The following SORCS3 variants were observed in gnomAD, a reference collection of about 807,000 sequenced individuals.
The protein encoded by SORCS3 is sortilin related VPS10 domain containing receptor 3, also known as VPS10 domain-containing receptor SorCS3.
A neutral mutation model predicts 146.3 loss-of-function variants in SORCS3; 57 were observed. The observed-to-expected ratio is 0.39, with a 90% CI of 0.31 to 0.49. The LOEUF (loss-of-function observed/expected upper bound fraction) is 0.49. Among genes scored for constraint, SORCS3 ranks in the 20% least tolerant of loss-of-function variants. SORCS3 has a pLI of 0.92. For missense variants in SORCS3, 1,341 were observed against 1,575.5 expected (o/e 0.85, Z 2.52); for synonymous variants, 653 against 618.5 (o/e 1.06, Z -0.83).
intron 2 of SORCS3, among the ~76,000 whole-genome samples, chr10:104,900,224 G>T (rs7091253): frequency 6.6e-6 from 1 of 152,030 alleles, no homozygotes; most frequent in Non-Finnish European, 1.5e-5. Context: ...TGGCTCTGCT[G>T]GTTTCTGTCA....
intron 2 of SORCS3, among the ~76,000 whole-genome samples, chr10:104,876,634 A>C (rs1383195734): frequency 6.6e-6 from 1 of 151,928 alleles, no homozygotes; most frequent in Non-Finnish European, 1.5e-5. Context: ...TTCCTCTTTC[A>C]TATGCCCCCA....
chr10:105,223,071 C>G lies in SORCS3; in HGVS notation c.2735-45C>G, dbSNP rs555078907. 2.9e-5 allele frequency: 45 copies of G among 1,550,768 alleles called. 1 individual carries two copies. In the South Asian group the frequency reaches 4.6e-4, roughly 16 times the overall value. On this transcript the variant is annotated intron_variant, in intron 19 of 26. Transcript: ENST00000369701. ...ATCTAGGGGTGTGATACAGTTTGAC[C>G]ACATCCAGAATATAAACACTGACTT... is the stretch of plus-strand genomic sequence containing the variant.
Position 104,863,718 on chromosome 10 carries a change from C to CA in SORCS3, c.695+20860dup, listed in dbSNP as rs557646631. 2.9e-3 allele frequency among the ~76,000 whole-genome samples: 438 copies of CA among 152,262 alleles called. 2 individuals carry two copies. The highest frequency in any genetic ancestry group is 8.9e-3 in the African/African-American group (371 of 41,542). ...CAAGCATCAGGTAGCTTCATATGGA[C>CA]ACTTAGTTGTTGGTACCCTGTCTGC... is the stretch of plus-strand genomic sequence containing the variant. On this transcript the variant is annotated intron_variant, in intron 2 of 26. Transcript: ENST00000369701.
chr10:105,031,256 G>A (rs558906149), intron 4 of SORCS3, among the ~76,000 whole-genome samples: 6 of 151,576 alleles, frequency 4.0e-5, no homozygotes, highest in East Asian at 4.0e-4. Flanking sequence ...CCGAGATCAC[G>A]CCACTGCCCT....
At chr10:104,944,492 A>T (rs558883642) in intron 3 of SORCS3, among the ~76,000 whole-genome samples, 152 of 152,302 alleles carry the variant, frequency 1.0e-3, no homozygotes, top group Admixed American at 9.9e-3. Flanking sequence ...AGACTACATA[A>T]ATAATGCCTA....
chr10:104,856,446 G>A (rs1424792219), intron 2 of SORCS3, among the ~76,000 whole-genome samples: 1 of 146,418 alleles, frequency 6.8e-6, no homozygotes, highest in East Asian at 2.0e-4. Flanking sequence ...ATGATTATAT[G>A]CTATTCTGTA....
At chr10:104,758,327 A>G (rs1216200153) in intron 1 of SORCS3, among the ~76,000 whole-genome samples, 1 of 152,096 alleles carries the variant, frequency 6.6e-6, no homozygotes, top group African/African-American at 2.4e-5. Flanking sequence ...TTATTTTTGC[A>G]GGGGTGGGTG....
intron 14 of SORCS3, among the ~76,000 whole-genome samples, chr10:105,185,164 T>TA (rs1186974319): frequency 6.6e-6 from 1 of 152,152 alleles, no homozygotes; most frequent in African/African-American, 2.4e-5. Flanking sequence ...AAAAATAAAA[T>TA]AAAAAACACT....
chr10:104,696,434 A>AAT lies in SORCS3; in HGVS notation c.627+54486_627+54487dup, dbSNP rs1302105180. 2.4e-4 allele frequency among the ~76,000 whole-genome samples: 17 copies of AAT among 70,120 alleles called. 1 individual carries two copies. The highest frequency in any genetic ancestry group is 3.8e-4 in the African/African-American group (7 of 18,378). The allele number at this position is 70,120 out of a possible 152,430, so 46.0% of individuals were successfully genotyped here. On this transcript the variant is annotated intron_variant, in intron 1 of 26. Transcript: ENST00000369701. ...AGAATATATATAATATATAATATAG[A>AAT]ATATATAATATATAGAATATAGAAT...
At chr10:104,691,984 A>T (rs1217832380) in intron 1 of SORCS3, among the ~76,000 whole-genome samples, 2 of 152,058 alleles carry the variant, frequency 1.3e-5, no homozygotes, top group East Asian at 3.9e-4. Flanking sequence ...CTTCCACCCC[A>T]GACAAGGGTC....
At chr10:104,967,214 T>C in intron 3 of SORCS3, among the ~76,000 whole-genome samples, 1 of 152,190 alleles carries the variant, frequency 6.6e-6, no homozygotes, top group East Asian at 1.9e-4. Flanking sequence ...TACCAATTGG[T>C]GTTTACTCTG....
At chr10:104,966,150 G>A (rs537854635) in intron 3 of SORCS3, among the ~76,000 whole-genome samples, 43 of 151,586 alleles carry the variant, frequency 2.8e-4, no homozygotes, top group African/African-American at 9.9e-4. Flanking sequence ...ACTAGATACC[G>A]GAACTCTCTC....
At position 104,932,937 on chromosome 10, in the gene SORCS3, C is replaced by T. The variant is rs1378677074; in HGVS notation, c.795+17005C>T. 4.6e-5 allele frequency among the ~76,000 whole-genome samples: 7 copies of T among 152,068 alleles called. No individual in the cohort carries two copies. The East Asian group carries it at 1.2e-3, about 25-fold the overall frequency. ...ATAGAGACAGGGTCTTGCTTTGTTC[C>T]CCAGGCTGGTCTTGAACTCCTGGCT... On this transcript the variant is annotated intron_variant, in intron 3 of 26. Coordinates refer to ENST00000369701, the MANE Select transcript of SORCS3 (RefSeq NM_014978.3).
chr10:104,953,883 G>T (rs946450459), intron 3 of SORCS3, among the ~76,000 whole-genome samples: 1 of 152,190 alleles, frequency 6.6e-6, no homozygotes, highest in African/African-American at 2.4e-5. Context: ...TGACACAAAA[G>T]CATATTAGCT....
chr10:105,064,035 A>G (rs918874868), intron 5 of SORCS3, among the ~76,000 whole-genome samples: 1 of 152,318 alleles, frequency 6.6e-6, no homozygotes, highest in East Asian at 1.9e-4. Context: ...TTCACCACTC[A>G]TTAATTGATT....
intron 4 of SORCS3, among the ~76,000 whole-genome samples, chr10:105,020,441 T>C (rs1220544642): frequency 6.6e-6 from 1 of 152,184 alleles, no homozygotes; most frequent in Non-Finnish European, 1.5e-5. Flanking sequence ...CTATATGACA[T>C]AGGTGTGTCA....
At chr10:105,161,632 C>T (rs933943766) in intron 11 of SORCS3, among the ~76,000 whole-genome samples, 2 of 152,146 alleles carry the variant, frequency 1.3e-5, no homozygotes, top group Admixed American at 1.3e-4. Context: ...ACTAGGGTTC[C>T]TAATATCCTT....
chr10:104,918,752 T>A (rs547366870), intron 3 of SORCS3, among the ~76,000 whole-genome samples: 1 of 152,290 alleles, frequency 6.6e-6, no homozygotes, highest in Admixed American at 6.5e-5. Flanking sequence ...AAGCAAGAAC[T>A]GGATATTTGG....
At chr10:104,881,453 T>A (rs2018629325) in intron 2 of SORCS3, among the ~76,000 whole-genome samples, 1 of 152,186 alleles carries the variant, frequency 6.6e-6, no homozygotes, top group Non-Finnish European at 1.5e-5. Flanking sequence ...AACATTTTGA[T>A]TGAACCGATG....
Sources: gnomAD v4.1 joint callset for allele counts (sites outside exome capture counted in the v4.1 genomes callset) on GRCh38, gnomAD v4.1.1 for gene constraint, MANE v1.5 for transcripts, NCBI Gene and HGNC (gene_info 2026-07-23, HGNC 2026-07-21) for gene names.